CTNNA3: variants seen among roughly 807,000 people sequenced by gnomAD.
CTNNA3 encodes the protein catenin alpha-3.
Under a neutral mutation model 95.7 loss-of-function variants are expected in CTNNA3, and 76 were observed. That is an observed-to-expected ratio of 0.79 (90% CI 0.66 to 0.96). CTNNA3 has a LOEUF of 0.96. Among genes scored for constraint, CTNNA3 ranks in the 40% least tolerant of loss-of-function variants. The pLI is 0.00. For synonymous variants in CTNNA3, 431 were observed against 374.4 expected (o/e 1.15, Z -1.74); for missense variants, 1,191 against 1,089.8 (o/e 1.09, Z -1.31).
chr10:67,165,610 T>C (rs898176324), intron 7 of CTNNA3, among the ~76,000 whole-genome samples: 1 of 152,226 alleles, frequency 6.6e-6, no homozygotes, highest in Non-Finnish European at 1.5e-5. Flanking sequence ...CTCTGTGCTG[T>C]CTTTGCTACT....
At chr10:66,712,415 T>C (rs1404525216) in intron 9 of CTNNA3, among the ~76,000 whole-genome samples, 1 of 152,148 alleles carries the variant, frequency 6.6e-6, no homozygotes, top group Admixed American at 6.6e-5. Context: ...AGAGCTGTTA[T>C]CCCAAATCAG....
intron 15 of CTNNA3, among the ~76,000 whole-genome samples, chr10:66,062,801 G>C (rs2080228904): frequency 6.6e-6 from 1 of 152,110 alleles, no homozygotes; most frequent in Admixed American, 6.6e-5. Context: ...CTGAGAGAAT[G>C]TTGGGCTGCT....
intron 1 of CTNNA3, among the ~76,000 whole-genome samples, chr10:67,706,613 G>A (rs1053778790): frequency 7.2e-5 from 11 of 152,060 alleles, no homozygotes; most frequent in African/African-American, 2.7e-4. Flanking sequence ...GGAAAGGGAG[G>A]GAGATTTAAA....
At chr10:67,283,936 C>T (rs1839497617) in intron 5 of CTNNA3, among the ~76,000 whole-genome samples, 1 of 152,190 alleles carries the variant, frequency 6.6e-6, no homozygotes, top group African/African-American at 2.4e-5. Context: ...GTATCTTTGT[C>T]TTCATTCTGA....
intron 11 of CTNNA3, among the ~76,000 whole-genome samples, chr10:66,414,667 G>A (rs2093132617): frequency 6.6e-6 from 1 of 152,118 alleles, no homozygotes; most frequent in African/African-American, 2.4e-5. Context: ...GCAACAGACT[G>A]CACACTGTCC....
At chr10:66,356,934 G>A (rs547105014) in intron 12 of CTNNA3, among the ~76,000 whole-genome samples, 130 of 151,826 alleles carry the variant, frequency 8.6e-4, no homozygotes, top group African/African-American at 2.9e-3. Flanking sequence ...AATTTTGAAC[G>A]GTCCTTGCAT....
At chr10:66,781,277 T>C (rs1840526575) in intron 7 of CTNNA3, among the ~76,000 whole-genome samples, 1 of 152,316 alleles carries the variant, frequency 6.6e-6, no homozygotes, top group African/African-American at 2.4e-5. Flanking sequence ...TTATTCAACC[T>C]TTTAAAATGA....
chr10:67,222,669 G>A lies in CTNNA3; in HGVS notation c.580-2799C>T, dbSNP rs16924255. 0.013 allele frequency among the ~76,000 whole-genome samples: 1,967 copies of A among 152,216 alleles called. 122 individuals carry two copies. The East Asian group carries it at 0.19, about 15-fold the overall frequency. ...GGATAAATAGTTTAATGTTTAGAAA[G>A]GATGCACAGCTCCTCAGATGAGTAA... is the stretch of plus-strand genomic sequence containing the variant. On this transcript the variant is annotated intron_variant, in intron 5 of 17. Coordinates refer to ENST00000433211, the MANE Select transcript of CTNNA3 (RefSeq NM_013266.4).
chr10:65,921,981 C>A (rs969999656), intron 17 of CTNNA3, among the ~76,000 whole-genome samples: 1 of 152,052 alleles, frequency 6.6e-6, no homozygotes, highest in Non-Finnish European at 1.5e-5. Context: ...CTCATAGCAA[C>A]CCTATGAGGT....
intron 13 of CTNNA3, among the ~76,000 whole-genome samples, chr10:66,257,372 C>T (rs1216412614): frequency 6.6e-6 from 1 of 152,190 alleles, no homozygotes; most frequent in Non-Finnish European, 1.5e-5. Flanking sequence ...CACTGCCACT[C>T]CCTTGTAAAA....
chr10:67,120,596 C>A (rs1859412014), intron 7 of CTNNA3, among the ~76,000 whole-genome samples: 1 of 152,098 alleles, frequency 6.6e-6, no homozygotes, highest in Non-Finnish European at 1.5e-5. Flanking sequence ...AAATTGAGCA[C>A]TTTCCAGAAA....
chr10:66,224,844 T>C (rs558884738), intron 13 of CTNNA3, among the ~76,000 whole-genome samples: 1 of 152,264 alleles, frequency 6.6e-6, no homozygotes, highest in South Asian at 2.1e-4. Context: ...TCAATTTAGT[T>C]TGTAACTGTG....
intron 9 of CTNNA3, among the ~76,000 whole-genome samples, chr10:66,697,936 C>G (rs79853504): frequency 0.076 from 11,595 of 152,146 alleles, 486 homozygotes; most frequent in Middle Eastern, 0.13. Flanking sequence ...CTCCCTGAAC[C>G]ATTTATTCTT....
At chr10:66,595,611 A>G (rs1362857940) in intron 10 of CTNNA3, among the ~76,000 whole-genome samples, 1 of 152,032 alleles carries the variant, frequency 6.6e-6, no homozygotes, top group Non-Finnish European at 1.5e-5. Context: ...TGCTGGGATT[A>G]TAGGCGTCAG....
At chr10:67,591,384 G>A (rs2133347279) in intron 3 of CTNNA3, among the ~76,000 whole-genome samples, 1 of 151,958 alleles carries the variant, frequency 6.6e-6, no homozygotes, top group South Asian at 2.1e-4. Context: ...ATAGACAATA[G>A]GAACAAACCT....
intron 15 of CTNNA3, among the ~76,000 whole-genome samples, chr10:66,007,355 A>T (rs1344930398): frequency 6.6e-6 from 1 of 152,116 alleles, no homozygotes; most frequent in Non-Finnish European, 1.5e-5. Flanking sequence ...TAAGCCTAGT[A>T]CCCATTAGTT....
chr10:67,101,762 CTAAAA>C (rs1278497919), intron 7 of CTNNA3, among the ~76,000 whole-genome samples: 2 of 151,614 alleles, frequency 1.3e-5, no homozygotes, highest in Non-Finnish European at 2.9e-5. Flanking sequence ...AAAAAATTTT[CTAAAA>C]TAAAACTATT....
intron 9 of CTNNA3, among the ~76,000 whole-genome samples, chr10:66,697,699 CT>C (rs745857181): frequency 6.6e-6 from 1 of 152,096 alleles, no homozygotes; most frequent in Non-Finnish European, 1.5e-5. Flanking sequence ...ACTTATTACA[CT>C]TTTTTTAAGT....
chr10:66,236,411 C>T (rs1467916518), intron 13 of CTNNA3, among the ~76,000 whole-genome samples: 1 of 152,116 alleles, frequency 6.6e-6, no homozygotes, highest in African/African-American at 2.4e-5. Context: ...TATTTTGAAG[C>T]TGCCACAATT....
Sources: gnomAD v4.1 joint callset for allele counts (sites outside exome capture counted in the v4.1 genomes callset) on GRCh38, gnomAD v4.1.1 for gene constraint, MANE v1.5 for transcripts, NCBI Gene and HGNC (gene_info 2026-07-23, HGNC 2026-07-21) for gene names.